SMTN: variants seen among roughly 807,000 people sequenced by gnomAD.
SMTN encodes smoothelin.
In SMTN, 58 loss-of-function variants were observed where a neutral mutation model predicts 102.0. The observed-to-expected ratio is 0.57, with a 90% CI of 0.46 to 0.71. The LOEUF (loss-of-function observed/expected upper bound fraction) is 0.71, where lower values mean the gene tolerates loss of function less well. Ranked by LOEUF, SMTN falls within the 30% of genes least tolerant of loss-of-function variation. SMTN has a pLI of 0.00. For synonymous variants in SMTN, 478 were observed against 497.9 expected (o/e 0.96, Z 0.53); for missense variants, 1,185 against 1,241.7 (o/e 0.95, Z 0.69).
chr22:31,094,265 G>A (rs1482679116), intron 11 of SMTN, among the ~76,000 whole-genome samples: 1 of 152,256 alleles, frequency 6.6e-6, no homozygotes, highest in African/African-American at 2.4e-5. Flanking sequence ...GATGCCCTGG[G>A]AGGGCTGCAG....
intron 1 of SMTN, among the ~76,000 whole-genome samples, chr22:31,071,816 C>T (rs1427840045): frequency 1.3e-5 from 2 of 151,710 alleles, no homozygotes; most frequent in Non-Finnish European, 2.9e-5. Context: ...CCACCTCAGC[C>T]TCCCAAGTGG....
Position 31,098,754 on chromosome 22 carries a change from G to A in SMTN, c.2247G>A (p.Leu749=), listed in dbSNP as rs765936396. The stretch of plus-strand genomic sequence containing the variant: ...GGCAGGCCGAGAAGAAGAAAGAGCT[G>A]ATGAAGGCGCAGAGTCTGCCCAAGA... ...EKRQAEKKKE[L]MKAQSLPKTS... is the part of the protein sequence containing the mutation. Residue 749 remains leucine (L), a synonymous_variant, in exon 17 of 21, where the codon CTG becomes CTA. Transcript: ENST00000333137. 5 of 1,613,338 alleles carry A rather than the reference G, an allele frequency of 3.1e-6. No individual in the cohort carries two copies. In the Admixed American group the frequency reaches 8.3e-5, roughly 27 times the overall value.
chr22:31,075,054 T>C (rs1018510831), intron 1 of SMTN, among the ~76,000 whole-genome samples: 12 of 152,182 alleles, frequency 7.9e-5, no homozygotes, highest in Non-Finnish European at 1.3e-4. Flanking sequence ...CAAGGCTGCA[T>C]AGCTAGGGAG....
At chr22:31,073,011 C>CTTTTTTTTTTTTTTTTT (rs59040826) in intron 1 of SMTN, among the ~76,000 whole-genome samples, 1 of 85,684 alleles carries the variant, frequency 1.2e-5, no homozygotes, top group Non-Finnish European at 2.2e-5. Flanking sequence ...CTCTCTCTCT[C>CTTTTTTTTTTTTTTTTT]TTTTTTTTTT....
rs1171472306 is a variant in SMTN, at chr22:31,099,418, C to T, written c.2451+239C>T. ...TTGGGTGGTGGGCAGGGTTCAAGGC[C>T]GGATCCCACTCTTGGAGTCCCCTCC... On this transcript the variant is annotated intron_variant, in intron 18 of 20. Coordinates refer to ENST00000333137, the MANE Select transcript of SMTN (RefSeq NM_134269.3). 6.3e-5 allele frequency: 37 copies of T among 589,684 alleles called. 1 individual carries two copies. The highest frequency in any genetic ancestry group is 4.6e-4 in the Admixed American group (15 of 32,588). The allele number at this position is 589,684 out of a possible 1,614,324, so 36.5% of individuals were successfully genotyped here. A position where few individuals can be genotyped will look rare whatever the true frequency, so the allele number is the denominator to read the frequency against.
At chr22:31,068,792 G>T (rs572221959) in intron 1 of SMTN, among the ~76,000 whole-genome samples, 9 of 152,138 alleles carry the variant, frequency 5.9e-5, no homozygotes, top group Admixed American at 5.2e-4. Context: ...AATCATTTCC[G>T]ATCGTCAGTG....
rs1196733548 is a variant in SMTN, at chr22:31,091,697, G to GC, written c.1487dup (p.Thr497AspfsTer7). 6.3e-7 allele frequency: 1 copy of GC among 1,599,990 alleles called. No individual in the cohort carries two copies. Among genetic ancestry groups the GC allele is most frequent in the Non-Finnish European group, 8.5e-7 (1 of 1,170,672 alleles). On this transcript the variant is annotated frameshift_variant, in exon 11 of 21. Transcript: ENST00000333137. LOFTEE classifies it high-confidence loss of function. ...CAGAACTGACACTGGGGCTGCGGGC[G>GC]CCCCCGACCCTACTCAGCACCAGTA...
chr22:31,071,746 AG>A (rs1174943241), intron 1 of SMTN, among the ~76,000 whole-genome samples: 2 of 138,862 alleles, frequency 1.4e-5, no homozygotes, highest in Non-Finnish European at 3.0e-5. Flanking sequence ...CCCAATCTGG[AG>A]TGCAGTGGCA....
chr22:31,079,203 G>A (rs976949036), upstream of SMTN, among the ~76,000 whole-genome samples: 11 of 152,154 alleles, frequency 7.2e-5, no homozygotes, highest in African/African-American at 1.9e-4. Flanking sequence ...CTCTTTCCTC[G>A]GCTGTAGCTG....
chr22:31,093,488 C>T (rs2043297891), intron 11 of SMTN: 1 of 641,648 alleles, frequency 1.6e-6, no homozygotes, highest in East Asian at 2.9e-5. Flanking sequence ...CTGGCCGCAG[C>T]CCTTGAGGAG....
chr22:31,097,715 G>GATAA (rs56931006), intron 16 of SMTN, among the ~76,000 whole-genome samples: 46,142 of 145,700 alleles, frequency 0.32, 8,373 homozygotes, highest in African/African-American at 0.48. Flanking sequence ...AAAATAAATA[G>GATAA]ATAAATAAAT....
At chr22:31,090,774 C>T (rs79255588) in intron 8 of SMTN, 34 bp from the exon 9 acceptor site, 45,122 of 1,545,168 alleles carry the variant, frequency 0.029, 1,356 homozygotes, top group African/African-American at 0.15. Context: ...TTCTCTTTCC[C>T]CACATGGCCA....
At chr22:31,074,696 C>G (rs2042086515) in intron 1 of SMTN, among the ~76,000 whole-genome samples, 1 of 152,152 alleles carries the variant, frequency 6.6e-6, no homozygotes, top group Non-Finnish European at 1.5e-5. Context: ...ACTCGGGAGG[C>G]TGAGGCAAGA....
At chr22:31,074,210 A>G (rs1431620100) in intron 1 of SMTN, among the ~76,000 whole-genome samples, 1 of 151,970 alleles carries the variant, frequency 6.6e-6, no homozygotes, top group Non-Finnish European at 1.5e-5. Flanking sequence ...CAACATGGGG[A>G]AACTCCATCT....
chr22:31,072,786 G>A (rs1569231996), intron 1 of SMTN, among the ~76,000 whole-genome samples: 1 of 151,132 alleles, frequency 6.6e-6, no homozygotes, highest in Non-Finnish European at 1.5e-5. Context: ...TTAAGACAAG[G>A]TCTTACTCTG....
At position 31,099,766 on chromosome 22, in the gene SMTN, T is replaced by C; in HGVS notation, c.2473T>C (p.Ser825Pro). The change falls in exon 19 of 21, where the codon TCC becomes CCC. Residue 825 changes from serine to proline, a missense_variant. Ser to Pro is a moderately conservative substitution (Grantham distance 74). Around this residue, in one of 2 missense-constraint regions of SMTN, gnomAD observed 89 missense variants for 128.9 expected, o/e 0.69. Coordinates refer to ENST00000333137, the MANE Select transcript of SMTN (RefSeq NM_134269.3). ...GYEHVDIQNF[S>P]SSWSDGMAFC... is the part of the protein sequence containing the mutation. ...ATAGCACGTCGACATCCAGAACTTC[T>C]CCTCCAGCTGGAGTGATGGGATGGC... The C allele has an allele frequency of 6.2e-7, 1 of 1,614,062 alleles. No homozygotes were observed. Among genetic ancestry groups the C allele is most frequent in the South Asian group, 1.1e-5 (1 of 91,084 alleles).
intron 1 of SMTN, chr22:31,067,083 CTTAT>C (rs1434881465): frequency 1.4e-5 from 2 of 143,250 alleles, no homozygotes; most frequent in Non-Finnish European, 3.1e-5. Context: ...GCAGGATTTA[CTTAT>C]TTATTTAGAG....
chr22:31,068,852 T>C (rs1038214409), intron 1 of SMTN, among the ~76,000 whole-genome samples: 1 of 152,188 alleles, frequency 6.6e-6, no homozygotes, highest in Non-Finnish European at 1.5e-5. Flanking sequence ...GAGCTTCAGA[T>C]ACGTGCTCTG....
rs1343758080 is a variant in SMTN at position 31,091,364 on chromosome 22, C to T, written c.1341C>T (p.Ala447=). 6.9e-6 allele frequency: 11 copies of T among 1,605,150 alleles called. No homozygotes were observed. The highest frequency in any genetic ancestry group is 1.7e-5 in the Admixed American group (1 of 59,168). The change falls in exon 10 of 21, where the codon GCC becomes GCT. Residue 447 remains alanine, a synonymous_variant. Transcript: ENST00000333137. ...AGCCTGGTGCCCCGCTGCCCGTGGC[C>T]GTCGGCACTGCCGAGCCAGGGGGCA... ...SEEPGAPLPV[A]VGTAEPGGSM...
Sources: allele counts gnomAD v4.1 joint callset (sites outside exome capture counted in the v4.1 genomes callset), GRCh38; gene constraint gnomAD v4.1.1; regional missense constraint gnomAD v4.1.1; transcripts MANE v1.5; gene names NCBI Gene and HGNC (gene_info 2026-07-23, HGNC 2026-07-21).